PP2D1: variants seen among roughly 807,000 people sequenced by gnomAD.
PP2D1 encodes protein phosphatase 2C-like domain-containing protein 1.
Under a neutral mutation model 30.2 loss-of-function variants are expected in PP2D1, and 25 were observed. That is an observed-to-expected ratio of 0.83 (90% CI 0.60 to 1.16). The LOEUF is 1.16. Among genes scored for constraint, PP2D1 ranks in the 50% most tolerant of loss-of-function variants. The pLI, the probability that PP2D1 is intolerant of heterozygous loss-of-function variation, is 0.00. For missense variants in PP2D1, 760 were observed against 742.4 expected (o/e 1.02, Z -0.28); for synonymous variants, 260 against 258.9 (o/e 1.00, Z -0.04).
Position 20,001,680 on chromosome 3 carries a change from T to A in PP2D1, c.440A>T (p.Tyr147Phe). The change falls in exon 2 of 3, where the codon TAT becomes TTT. Residue 147 changes from tyrosine (Y) to phenylalanine (F), a missense_variant. Tyr to Phe is a conservative substitution (Grantham distance 22). Around this residue, in one of 3 missense-constraint regions of PP2D1, gnomAD observed 374 missense variants for 388.8 expected, o/e 0.96. Coordinates refer to ENST00000389050, the MANE Select transcript of PP2D1 (RefSeq NM_001252657.2). ...LLWKKQIPAY[Y>F]KIFDNIDRSV... ...CCTGTCAATGTTATCAAAAATCTTA[T>A]AGTATGCTGGTATTTGTTTTTTCCA... 6.5e-7 allele frequency: 1 copy of A among 1,535,698 alleles called. No individual in the cohort carries two copies. Among genetic ancestry groups the A allele is most frequent in the Non-Finnish European group, 8.7e-7 (1 of 1,146,712 alleles).
Position 20,001,877 on chromosome 3 carries a change from A to G in PP2D1, c.243T>C (p.His81=). ...TGGCCAGAGCTACATGTTGCTTCTT[A>G]TGGAGAAAAATACCAGTTAGGTCAA... ...HEIDLTGIFL[H]KKQHVALATL... is the part of the protein sequence containing the mutation. The change falls in exon 2 of 3, where the codon CAT becomes CAC. Residue 81 remains histidine (H), a synonymous_variant. Coordinates refer to ENST00000389050, the MANE Select transcript of PP2D1 (RefSeq NM_001252657.2). 2.0e-6 allele frequency: 3 copies of G among 1,536,220 alleles called. No individual in the cohort carries two copies. The highest frequency in any genetic ancestry group is 2.4e-5 in the East Asian group (1 of 40,916).
downstream of PP2D1, chr3:19,984,372 G>T (rs1696992282): frequency 1.2e-5 from 4 of 347,568 alleles, no homozygotes; most frequent in East Asian, 2.8e-4. Context: ...AAGGTCAGGG[G>T]TGGGGAAGAG....
intron 1 of PP2D1, among the ~76,000 whole-genome samples, chr3:20,009,501 G>A (rs1438613411): frequency 6.6e-6 from 1 of 151,908 alleles, no homozygotes; most frequent in Admixed American, 6.6e-5. Flanking sequence ...AATAAAATGT[G>A]AGCTGTATAA....
chr3:20,006,951 GTA>G (rs751112821), intron 1 of PP2D1, among the ~76,000 whole-genome samples: 1 of 149,626 alleles, frequency 6.7e-6, no homozygotes, highest in East Asian at 2.0e-4. Flanking sequence ...ACGTATGTGT[GTA>G]TATATATATA....
At chr3:19,982,609 G>A (rs1696950640), downstream of PP2D1, among the ~76,000 whole-genome samples, 6 of 152,160 alleles carry the variant, frequency 3.9e-5, no homozygotes, top group South Asian at 1.0e-3. Flanking sequence ...CAGCACGTGG[G>A]AGTCTGAGGC....
intron 2 of PP2D1, among the ~76,000 whole-genome samples, chr3:19,998,687 G>T (rs552667186): frequency 1.3e-5 from 2 of 152,140 alleles, no homozygotes; most frequent in South Asian, 4.2e-4. Flanking sequence ...CTTCATCATT[G>T]AACTAATATG....
In PP2D1 at chr3:19,985,776, G is replaced by C; in HGVS notation, c.1497C>G (p.Thr499=). 6.5e-7 allele frequency: 1 copy of C among 1,536,016 alleles called. No homozygotes were observed. Among genetic ancestry groups the C allele is most frequent in the Non-Finnish European group, 8.7e-7 (1 of 1,146,844 alleles). ...SPSKGPLLFS[T]SEPNLTKSQS... ...GTGATTTAGTAAGGTTTGGTTCACT[G>C]GTTGAAAAAAGCAGAGGCCCTTTGG... is the stretch of plus-strand genomic sequence containing the variant. The change falls in exon 3 of 3, where the codon ACC becomes ACG. Residue 499 remains threonine (T), a synonymous_variant. Coordinates refer to ENST00000389050, the MANE Select transcript of PP2D1 (RefSeq NM_001252657.2).
At chr3:19,991,289 G>T (rs1332744690) in intron 2 of PP2D1, among the ~76,000 whole-genome samples, 1 of 152,164 alleles carries the variant, frequency 6.6e-6, no homozygotes, top group Non-Finnish European at 1.5e-5. Context: ...ACCAACTTTT[G>T]TGAAAAGGAA....
intron 1 of PP2D1, among the ~76,000 whole-genome samples, chr3:20,006,888 C>T (rs1310274978): frequency 2.6e-5 from 4 of 151,518 alleles, no homozygotes; most frequent in East Asian, 1.9e-4. Flanking sequence ...GCAATTCTCT[C>T]GCCTCAGCCT....
Position 19,985,497 on chromosome 3 carries a change from G to C in PP2D1, c.1776C>G (p.Gly592=). The C allele has an allele frequency of 6.5e-7, 1 of 1,535,992 alleles. No individual in the cohort carries two copies. The highest frequency in any genetic ancestry group is 2.0e-5 in the Admixed American group (1 of 50,976). The change falls in exon 3 of 3, where the codon GGC becomes GGG. Residue 592 remains glycine (G), a synonymous_variant. Coordinates refer to ENST00000389050, the MANE Select transcript of PP2D1 (RefSeq NM_001252657.2). ...KESDTKSFYE[G]AAEYVSHELV... is the part of the protein sequence containing the mutation. ...GTTCATGGCTAACATACTCAGCTGC[G>C]CCTTCATAGAAACTCTTAGTGTCTG...
chr3:20,005,590 G>A (rs1575088928), intron 1 of PP2D1, among the ~76,000 whole-genome samples: 1 of 152,070 alleles, frequency 6.6e-6, no homozygotes, highest in African/African-American at 2.4e-5. Context: ...AATACTTGGA[G>A]CCTCTAAGTA....
rs1047280762 is a variant in PP2D1, at chr3:19,985,874, T to G, written c.1399A>C (p.Thr467Pro). The change falls in exon 3 of 3, where the codon ACT becomes CCT. Residue 467 changes from threonine to proline, a missense_variant. Physicochemically the swap from Thr to Pro is conservative, Grantham distance 38. Transcript: ENST00000389050. The part of the protein sequence containing the change: ...LWEVLDKEEV[T>P]ALAMTTFHMY... ...TGAAATGTTGTCATTGCCAGGGCAGTAACTTCCTCTTTATCCAAAACTTCC... is the reference window on the plus strand; with the variant it reads ...TGAAATGTTGTCATTGCCAGGGCAGGAACTTCCTCTTTATCCAAAACTTCC... The G allele has an allele frequency of 7.8e-6, 12 of 1,536,460 alleles. No individual in the cohort carries two copies. Among genetic ancestry groups the G allele is most frequent in the Non-Finnish European group, 1.0e-5 (12 of 1,146,956 alleles).
chr3:20,002,782 G>A (rs1402157805), intron 1 of PP2D1, among the ~76,000 whole-genome samples: 1 of 151,714 alleles, frequency 6.6e-6, no homozygotes, highest in African/African-American at 2.4e-5. Flanking sequence ...TAGTTCGGGC[G>A]CGGTGGCTCA....
chr3:19,991,940 A>G (rs1697124469), intron 2 of PP2D1, among the ~76,000 whole-genome samples: 1 of 152,178 alleles, frequency 6.6e-6, no homozygotes, highest in Non-Finnish European at 1.5e-5. Context: ...AAATTGAAAT[A>G]GTTACTGGGG....
In PP2D1 at chr3:20,001,587, T is replaced by G; in HGVS notation, c.533A>C (p.Asn178Thr). The G allele has an allele frequency of 2.0e-6, 3 of 1,536,414 alleles. No homozygotes were observed. The highest frequency in any genetic ancestry group is 2.4e-5 in the South Asian group (2 of 84,060). ...ATTCATGTCAGCTTTCCATGTAGAA[T>G]TCCTGTCTTCACAAATGCCCACTCC... Reference protein sequence around the residue: ...IKGVGICEDRNSTWKADMNDK... With the variant: ...IKGVGICEDRTSTWKADMNDK... Residue 178 changes from asparagine (N) to threonine (T), a missense_variant, in exon 2 of 3, where the codon AAT becomes ACT. Physicochemically the swap from Asn to Thr is moderately conservative, Grantham distance 65. Transcript: ENST00000389050.
In PP2D1 at chr3:20,012,046, T is replaced by C. The variant is rs1297526588; in HGVS notation, c.23+4A>G. The C allele has an allele frequency of 1.3e-6, 2 of 1,530,508 alleles. No homozygotes were observed. The highest frequency in any genetic ancestry group is 1.8e-6 in the Non-Finnish European group (2 of 1,142,628). 94.8% of individuals were successfully genotyped at this position (1,530,508 alleles called of 1,614,324 possible). On this transcript the variant is annotated splice_donor_region_variant and intron_variant, in intron 1 of 2. Transcript: ENST00000389050. Reference sequence around the variant, plus strand: ...TTATCCAAAAAAGATTTAAGAAAGTTTACCTTAAAGCATTATTGGTGCTCA... The same window carrying C: ...TTATCCAAAAAAGATTTAAGAAAGTCTACCTTAAAGCATTATTGGTGCTCA...
At chr3:19,990,150 AG>A (rs988201802) in intron 2 of PP2D1, among the ~76,000 whole-genome samples, 3 of 152,266 alleles carry the variant, frequency 2.0e-5, no homozygotes, top group Admixed American at 2.0e-4. Context: ...CCTGTTAAAA[AG>A]GGAGATAATG....
In PP2D1 at chr3:20,001,317, G is replaced by A. The variant is rs1697248808; in HGVS notation, c.803C>T (p.Ala268Val). The change falls in exon 2 of 3, where the codon GCC becomes GTC. Residue 268 changes from alanine (A) to valine (V), a missense_variant. Transcript: ENST00000389050. ...CCTCACTGCTTCTGTTTTGTTTATG[G>A]CAGAAAAGAGGTCTTCTATTGCTGC... is the stretch of plus-strand genomic sequence containing the variant. ...EYAAIEDLFSAINKTEAVRCE... is the reference protein window; with the variant it reads ...EYAAIEDLFSVINKTEAVRCE... 1 of 1,535,260 alleles carries A rather than the reference G, an allele frequency of 6.5e-7. No homozygotes were observed. The highest frequency in any genetic ancestry group is 1.4e-5 in the African/African-American group (1 of 72,992).
intron 2 of PP2D1, among the ~76,000 whole-genome samples, chr3:19,991,181 AGATGAT>A (rs1697115511): frequency 6.6e-6 from 1 of 152,168 alleles, no homozygotes; most frequent in African/African-American, 2.4e-5. Flanking sequence ...AGCCGCTTGG[AGATGAT>A]GCTCAAGCCT....
Sources: allele counts gnomAD v4.1 joint callset (sites outside exome capture counted in the v4.1 genomes callset), GRCh38; gene constraint gnomAD v4.1.1; regional missense constraint gnomAD v4.1.1; transcripts MANE v1.5; gene names NCBI Gene and HGNC (gene_info 2026-07-23, HGNC 2026-07-21).